RABGAP1L: variants seen among roughly 807,000 people sequenced by gnomAD.
RABGAP1L encodes the protein rab GTPase-activating protein 1-like.
Under a neutral mutation model 137.7 loss-of-function variants are expected in RABGAP1L, and 63 were observed. That is an observed-to-expected ratio of 0.46 (90% CI 0.37 to 0.56). The LOEUF is 0.56. Among genes scored for constraint, RABGAP1L ranks in the 20% least tolerant of loss-of-function variants. The probability of loss-of-function intolerance (pLI) is 0.00; values close to 1 mark genes in which losing one functional copy is unlikely to be tolerated. For synonymous variants in RABGAP1L, 431 were observed against 433.7 expected (o/e 0.99, Z 0.08); for missense variants, 1,095 against 1,244.0 (o/e 0.88, Z 1.80).
At chr1:174,473,738 C>A (rs1658194842) in intron 13 of RABGAP1L, among the ~76,000 whole-genome samples, 1 of 152,126 alleles carries the variant, frequency 6.6e-6, no homozygotes, top group Admixed American at 6.5e-5. Context: ...ATATGTAAAA[C>A]ATGTAAAAGC....
chr1:174,627,860 T>C (rs1046332042), intron 13 of RABGAP1L, among the ~76,000 whole-genome samples: 2 of 152,172 alleles, frequency 1.3e-5, no homozygotes, highest in African/African-American at 4.8e-5. Context: ...GGAGAAAGGA[T>C]ACTCTCAAGA....
intron 13 of RABGAP1L, among the ~76,000 whole-genome samples, chr1:174,612,852 T>A (rs1266667901): frequency 2.6e-5 from 4 of 152,160 alleles, no homozygotes; most frequent in Non-Finnish European, 5.9e-5. Flanking sequence ...GTAGAGGTAT[T>A]TGTAGTATTC....
chr1:174,243,026 G>A (rs1448865208), intron 5 of RABGAP1L: 1 of 152,166 alleles, frequency 6.6e-6, no homozygotes, highest in East Asian at 1.9e-4. Context: ...CATGTTGGCA[G>A]CCATCATTTA....
intron 13 of RABGAP1L, among the ~76,000 whole-genome samples, chr1:174,531,055 G>A (rs938821438): frequency 6.6e-6 from 1 of 152,118 alleles, no homozygotes; most frequent in African/African-American, 2.4e-5. Context: ...AACCCCATGG[G>A]TGAATCTGAA....
intron 7 of RABGAP1L, among the ~76,000 whole-genome samples, chr1:174,270,636 A>T (rs1674479175): frequency 6.6e-6 from 1 of 152,008 alleles, no homozygotes; most frequent in African/African-American, 2.4e-5. Flanking sequence ...CTTAAAAAAT[A>T]AAAAAATCCT....
At chr1:174,716,764 C>G (rs1487202152) in intron 17 of RABGAP1L, among the ~76,000 whole-genome samples, 1 of 152,140 alleles carries the variant, frequency 6.6e-6, no homozygotes, top group Admixed American at 6.5e-5. Context: ...TAGGAATATG[C>G]CAGAAAATTT....
chr1:174,567,709 G>A (rs992866143), intron 13 of RABGAP1L, among the ~76,000 whole-genome samples: 1 of 152,140 alleles, frequency 6.6e-6, no homozygotes, highest in Non-Finnish European at 1.5e-5. Flanking sequence ...GTTGATGAGA[G>A]CTTCGTAGTA....
chr1:174,870,362 C>T (rs925293385), intron 19 of RABGAP1L, among the ~76,000 whole-genome samples: 7 of 152,156 alleles, frequency 4.6e-5, no homozygotes, highest in African/African-American at 1.7e-4. Context: ...TATTACAGTC[C>T]TATATCACTA....
At chr1:174,572,914 C>G (rs1668090638) in intron 13 of RABGAP1L, among the ~76,000 whole-genome samples, 2 of 151,972 alleles carry the variant, frequency 1.3e-5, no homozygotes, top group African/African-American at 4.8e-5. Flanking sequence ...ATAGCAGAAT[C>G]ATCTCATCTC....
At chr1:174,649,452 G>T (rs910523340) in intron 14 of RABGAP1L, among the ~76,000 whole-genome samples, 1 of 152,018 alleles carries the variant, frequency 6.6e-6, no homozygotes. Context: ...TTTCTCCTTT[G>T]CTTATAAATC....
intron 14 of RABGAP1L, among the ~76,000 whole-genome samples, chr1:174,651,288 G>A (rs1259568092): frequency 4.6e-5 from 7 of 152,108 alleles, no homozygotes; most frequent in Non-Finnish European, 8.8e-5. Context: ...GTGTGGTGTG[G>A]TGCTGAAAAG....
chr1:174,933,868 G>A (rs1664278000), intron 19 of RABGAP1L, among the ~76,000 whole-genome samples: 1 of 152,078 alleles, frequency 6.6e-6, no homozygotes, highest in Non-Finnish European at 1.5e-5. Context: ...CCTCCCATAT[G>A]GATCAAGACT....
chr1:174,867,019 T>C (rs1229411246), intron 19 of RABGAP1L, among the ~76,000 whole-genome samples: 2 of 151,642 alleles, frequency 1.3e-5, no homozygotes, highest in Non-Finnish European at 2.9e-5. Context: ...ACCCAGGAGG[T>C]TGAGGCTGCA....
intron 7 of RABGAP1L, among the ~76,000 whole-genome samples, chr1:174,262,046 A>G (rs1016350869): frequency 1.3e-5 from 2 of 152,148 alleles, no homozygotes; most frequent in Non-Finnish European, 2.9e-5. Context: ...TAGAAGGATA[A>G]CTCTCTTTTT....
At chr1:174,330,651 C>A (rs1455128943) in intron 11 of RABGAP1L, among the ~76,000 whole-genome samples, 1 of 151,996 alleles carries the variant, frequency 6.6e-6, no homozygotes, top group Non-Finnish European at 1.5e-5. Context: ...AAGATCTCTT[C>A]ATTGAAAATT....
At chr1:174,273,744 A>G (rs1674745484) in intron 8 of RABGAP1L, among the ~76,000 whole-genome samples, 1 of 152,118 alleles carries the variant, frequency 6.6e-6, no homozygotes, top group Non-Finnish European at 1.5e-5. Context: ...TACTGCAGAG[A>G]TTTGTCCATA....
At chr1:174,454,133 T>G (rs1359798436) in intron 13 of RABGAP1L, among the ~76,000 whole-genome samples, 1 of 151,930 alleles carries the variant, frequency 6.6e-6, no homozygotes, top group African/African-American at 2.4e-5. Context: ...TATGGTGACA[T>G]GCACCTGTAG....
chr1:174,318,117 G>A (rs769710010), intron 11 of RABGAP1L, among the ~76,000 whole-genome samples: 1 of 151,426 alleles, frequency 6.6e-6, no homozygotes, highest in Non-Finnish European at 1.5e-5. Flanking sequence ...ATGAGTGTTC[G>A]CTTGATTTTT....
At chr1:174,514,247 CAAAAAAA>C (rs776487855) in intron 13 of RABGAP1L, among the ~76,000 whole-genome samples, 31 of 81,072 alleles carry the variant, frequency 3.8e-4, no homozygotes, top group South Asian at 3.5e-3. Context: ...TATTTTAAGC[CAAAAAAA>C]AAAAAAAAAA....
Sources: gnomAD v4.1 joint callset for allele counts (sites outside exome capture counted in the v4.1 genomes callset) on GRCh38, gnomAD v4.1.1 for gene constraint, MANE v1.5 for transcripts, NCBI Gene and HGNC (gene_info 2026-07-23, HGNC 2026-07-21) for gene names.